The following ZEB2 variants were observed in gnomAD, a reference collection of about 807,000 sequenced individuals.
ZEB2 encodes zinc finger E-box-binding homeobox 2.
Under a neutral mutation model 99.9 loss-of-function variants are expected in ZEB2, and 6 were observed. The ratio of observed to expected loss-of-function variants is 0.06; its 90% confidence interval spans 0.03 to 0.12. The LOEUF is 0.12. ZEB2 is among the 10% of genes least tolerant of loss of function. The pLI, the probability that ZEB2 is intolerant of heterozygous loss-of-function variation, is 1.00. For missense variants in ZEB2, 969 were observed against 1,502.8 expected, an observed-to-expected ratio of 0.64 and a Z score of 5.87; for synonymous variants, 517 against 542.5, an observed-to-expected ratio of 0.95 and a Z score of 0.65.
intron 2 of ZEB2, among the ~76,000 whole-genome samples, chr2:144,475,139 G>A (rs1241856171): frequency 6.6e-6 from 1 of 152,132 alleles, no homozygotes; most frequent in Non-Finnish European, 1.5e-5. Context: ...ATAAAAGTAT[G>A]GTTTTCTCAC....
At chr2:144,431,224 C>A (rs1225289270) in intron 2 of ZEB2, among the ~76,000 whole-genome samples, 3 of 152,058 alleles carry the variant, frequency 2.0e-5, no homozygotes, top group African/African-American at 7.2e-5. Context: ...TGCCAGCTAT[C>A]GGATTATACA....
chr2:144,408,268 C>T (rs1404210851), intron 4 of ZEB2, among the ~76,000 whole-genome samples: 2 of 152,080 alleles, frequency 1.3e-5, no homozygotes, highest in Non-Finnish European at 2.9e-5. Context: ...TAAATTATGT[C>T]CTTAACACTA....
intron 4 of ZEB2, among the ~76,000 whole-genome samples, chr2:144,408,528 T>C (rs1462483941): frequency 6.6e-6 from 1 of 152,230 alleles, no homozygotes; most frequent in African/African-American, 2.4e-5. Flanking sequence ...TGTATAGATA[T>C]TCTGTTGTTT....
At chr2:144,406,062 G>A (rs1239168482) in intron 4 of ZEB2, among the ~76,000 whole-genome samples, 1 of 152,164 alleles carries the variant, frequency 6.6e-6, no homozygotes, top group African/African-American at 2.4e-5. Context: ...TTGGTGCCAC[G>A]AGATTCTTCA....
chr2:144,515,947 A>G (rs1026295165), intron 2 of ZEB2: 1 of 151,092 alleles, frequency 6.6e-6, no homozygotes, highest in African/African-American at 2.4e-5. Flanking sequence ...GGGGGCGCGC[A>G]CAATTGTCTT....
chr2:144,476,620 A>T (rs1704433916), intron 2 of ZEB2, among the ~76,000 whole-genome samples: 1 of 152,222 alleles, frequency 6.6e-6, no homozygotes, highest in African/African-American at 2.4e-5. Context: ...AGATTGGAAC[A>T]GGAAGAAACT....
At chr2:144,400,454 C>T in intron 7 of ZEB2, 184 bp from the exon 8 acceptor site, 2 of 700,952 alleles carry the variant, frequency 2.9e-6, no homozygotes, top group South Asian at 1.9e-5. Flanking sequence ...CCTGGGAGGA[C>T]ATAATTCAAG....
intron 2 of ZEB2, among the ~76,000 whole-genome samples, chr2:144,473,333 T>G (rs555634784): frequency 4.3e-4 from 65 of 152,282 alleles, no homozygotes; most frequent in Non-Finnish European, 8.1e-4. Flanking sequence ...GTCATGGTAT[T>G]GAATTTGCCA....
At chr2:144,400,331 T>TA in intron 7 of ZEB2, 61 bp from the exon 8 acceptor site, 1 of 1,553,080 alleles carries the variant, frequency 6.4e-7, no homozygotes, top group South Asian at 1.1e-5. Flanking sequence ...TGCAATTGTC[T>TA]ACCAAGAGAA....
intron 2 of ZEB2, chr2:144,461,131 G>C (rs1365268462): frequency 6.8e-6 from 1 of 146,456 alleles, no homozygotes; most frequent in Non-Finnish European, 1.5e-5. Context: ...CTAAAACCAA[G>C]TAGAAGGGGA....
chr2:144,405,153 A>G, intron 4 of ZEB2, 129 bp from the exon 5 acceptor site: 1 of 1,007,242 alleles, frequency 9.9e-7, no homozygotes, highest in East Asian at 2.6e-5. Context: ...ATTTGTAAGA[A>G]GTGTTGAAGA....
intron 2 of ZEB2, chr2:144,512,616 A>C: frequency 7.8e-7 from 1 of 1,287,278 alleles, no homozygotes; most frequent in Non-Finnish European, 1.0e-6. Context: ...GTAACAGAGA[A>C]ACAATGTAAA....
rs1215979357 is a variant in ZEB2 at position 144,429,604 on chromosome 2, C to T, written c.331+165G>A. 8.3e-6 allele frequency: 9 copies of T among 1,080,700 alleles called. No individual in the cohort carries two copies. In the East Asian group the frequency reaches 1.8e-4, roughly 21 times the overall value. The allele number at this position is 1,080,700 out of a possible 1,614,324, so 66.9% of individuals were successfully genotyped here. Reference sequence around the variant, plus strand: ...TAACTGCCGCAATGTGATAACATTACTATCACTTCATAATCTGTCACCAGC... The same window carrying T: ...TAACTGCCGCAATGTGATAACATTATTATCACTTCATAATCTGTCACCAGC... On this transcript the variant is annotated intron_variant, in intron 3 of 9. Transcript: ENST00000627532.
chr2:144,519,935 C>A lies in ZEB2; in HGVS notation c.-70+4G>T. 2.2e-6 allele frequency: 1 copy of A among 447,044 alleles called. No homozygotes were observed. Among genetic ancestry groups the A allele is most frequent in the South Asian group, 1.6e-5 (1 of 63,110 alleles). 27.7% of individuals were successfully genotyped at this position (447,044 alleles called of 1,614,324 possible). A position where few individuals can be genotyped will look rare whatever the true frequency, so the allele number is the denominator to read the frequency against. On this transcript the variant is annotated splice_donor_region_variant and intron_variant, in intron 1 of 9. Transcript: ENST00000627532. ...GAGAGAAAAGGGGAGGAAAAAAAACCTACCTGCGAAGTCTTGTTTGTAGTT... is the reference window on the plus strand; with the variant it reads ...GAGAGAAAAGGGGAGGAAAAAAAACATACCTGCGAAGTCTTGTTTGTAGTT...
intron 2 of ZEB2, chr2:144,445,034 T>A (rs191608870): frequency 5.3e-5 from 8 of 152,328 alleles, no homozygotes; most frequent in Middle Eastern, 3.4e-3. Context: ...CCTCTCTGTG[T>A]TCTTTTAAGT....
At chr2:144,503,208 C>G (rs1332110922) in intron 2 of ZEB2, among the ~76,000 whole-genome samples, 1 of 152,116 alleles carries the variant, frequency 6.6e-6, no homozygotes, top group Non-Finnish European at 1.5e-5. Context: ...AGCAAATGGA[C>G]CCTAGGGTCC....
chr2:144,468,712 A>G (rs1284024788), intron 2 of ZEB2, among the ~76,000 whole-genome samples: 1 of 152,088 alleles, frequency 6.6e-6, no homozygotes, highest in Non-Finnish European at 1.5e-5. Flanking sequence ...CCAAATTCTT[A>G]AAGTGGCTTT....
chr2:144,392,087 C>T (rs1703161238), intron 9 of ZEB2, among the ~76,000 whole-genome samples: 1 of 152,124 alleles, frequency 6.6e-6, no homozygotes, highest in African/African-American at 2.4e-5. Flanking sequence ...ACGCATGCAG[C>T]AGGAGCAGAG....
chr2:144,429,749 A>T lies in ZEB2; in HGVS notation c.331+20T>A, dbSNP rs1703741880. 3.7e-6 allele frequency: 6 copies of T among 1,613,764 alleles called. No homozygotes were observed. Among genetic ancestry groups the T allele is most frequent in the Admixed American group, 1.7e-5 (1 of 59,970 alleles). ...TGTGAAGATGGTACAGGAAGAGGCCAAGTGATTTTAGACACTTACCTGGAC... is the reference window on the plus strand; with the variant it reads ...TGTGAAGATGGTACAGGAAGAGGCCTAGTGATTTTAGACACTTACCTGGAC... On this transcript the variant is annotated intron_variant, in intron 3 of 9. Coordinates refer to ENST00000627532, the MANE Select transcript of ZEB2 (RefSeq NM_014795.4).
Sources: gnomAD v4.1 joint callset for allele counts (sites outside exome capture counted in the v4.1 genomes callset) on GRCh38, gnomAD v4.1.1 for gene constraint, MANE v1.5 for transcripts, NCBI Gene and HGNC (gene_info 2026-07-23, HGNC 2026-07-21) for gene names.